Variants in GMPR2 observed in about 807,000 individuals in gnomAD.
The protein encoded by GMPR2 is GMP reductase 2.
In GMPR2, 32 loss-of-function variants were observed where a neutral mutation model predicts 38.5. The observed-to-expected ratio is 0.83, with a 90% CI of 0.63 to 1.12. The LOEUF is 1.12. Ranked by LOEUF, GMPR2 falls within the 50% of genes most tolerant of loss-of-function variation. GMPR2 has a pLI of 0.00. For synonymous variants in GMPR2, 154 were observed against 151.0 expected (o/e 1.02, Z -0.15); for missense variants, 396 against 432.1 (o/e 0.92, Z 0.74).
At position 24,237,571 on chromosome 14, in the gene GMPR2, C is replaced by T. The variant is rs749529662; in HGVS notation, c.697+9C>T. The T allele has an allele frequency of 6.2e-7, 1 of 1,612,320 alleles. No individual in the cohort carries two copies. Among genetic ancestry groups the T allele is most frequent in the Non-Finnish European group, 8.5e-7 (1 of 1,178,398 alleles). On this transcript the variant is annotated intron_variant, in intron 8 of 9. Transcript: ENST00000399440. The stretch of plus-strand genomic sequence containing the variant: ...TGTGGCCAAGGCTTTTGGTAAGGAG[C>T]TTGAGGGCACAGAAGGATGATTCTA...
chr14:24,237,688 C>A, intron 8 of GMPR2, 126 bp downstream of exon 8: 1 of 872,922 alleles, frequency 1.1e-6, no homozygotes, highest in Non-Finnish European at 1.9e-6. Context: ...GAATTAGTGA[C>A]TCCGAAGTCT....
In GMPR2 at chr14:24,238,830, C is replaced by A; in HGVS notation, c.*52C>A. The A allele has an allele frequency of 6.7e-7, 1 of 1,500,382 alleles. No homozygotes were observed. Among genetic ancestry groups the A allele is most frequent in the Non-Finnish European group, 9.2e-7 (1 of 1,086,974 alleles). The allele number at this position is 1,500,382 out of a possible 1,614,324, so 92.9% of individuals were successfully genotyped here. ...CACCAGTACTCTACCATGGGGCATC[C>A]CAAGTGGGGTCCTCACCCATCCCAG... On this transcript the variant is annotated 3_prime_UTR_variant, in exon 10 of 10. Transcript: ENST00000399440.
At chr14:24,234,296 G>T in intron 3 of GMPR2, 1 of 1,182,784 alleles carries the variant, frequency 8.5e-7, no homozygotes, top group Non-Finnish European at 1.1e-6. Flanking sequence ...GTTGATCCAT[G>T]TAGCCCTGGT....
chr14:24,236,423 C>T (rs2273305), intron 5 of GMPR2, among the ~76,000 whole-genome samples: 1 of 152,230 alleles, frequency 6.6e-6, no homozygotes, highest in Non-Finnish European at 1.5e-5. Flanking sequence ...ACATAGACAT[C>T]TGCCCACTGA....
upstream of GMPR2, chr14:24,232,778 G>A: frequency 4.3e-6 from 1 of 232,628 alleles, no homozygotes; most frequent in South Asian, 5.7e-5. Context: ...GGCTTAGCGG[G>A]ATTGCACGAG....
At chr14:24,237,474 G>A (rs766386706) in intron 7 of GMPR2, 46 bp from the exon 8 acceptor site, 5 of 1,602,158 alleles carry the variant, frequency 3.1e-6, no homozygotes, top group African/African-American at 2.7e-5. Context: ...CATCGCTGAG[G>A]GCTTGGGAAA....
At position 24,236,143 on chromosome 14, in the gene GMPR2, A is replaced by G. The variant is rs533146747; in HGVS notation, c.465+3A>G. On this transcript the variant is annotated splice_donor_region_variant and intron_variant, in intron 5 of 9. Coordinates refer to ENST00000399440, the MANE Select transcript of GMPR2 (RefSeq NM_001002002.3). ...GCTTCCCCCAGCACACCATCATGGT[A>G]TGTTTCTATTACAGTCGGTACCTTT... 6 of 1,611,484 alleles carry G rather than the reference A, an allele frequency of 3.7e-6. No homozygotes were observed. In the African/African-American group the frequency reaches 6.7e-5, roughly 18 times the overall value.
intron 4 of GMPR2, 38 bp downstream of exon 4, chr14:24,235,858 G>C (rs753332653): frequency 2.5e-5 from 40 of 1,593,730 alleles, no homozygotes; most frequent in Non-Finnish European, 3.4e-5. Flanking sequence ...CCTTATCCCA[G>C]TTTTCCAGCA....
chr14:24,232,970 G>A lies in GMPR2; in HGVS notation c.-43G>A, dbSNP rs1314813227. On this transcript the variant is annotated 5_prime_UTR_variant, in exon 1 of 10. Coordinates refer to ENST00000399440, the MANE Select transcript of GMPR2 (RefSeq NM_001002002.3). The stretch of plus-strand genomic sequence containing the variant: ...CTTTGCAGGGGTAGAAGAAGGAAGT[G>A]TAGCGGGGTAAGGAATGCACCGTCA... 5.3e-6 allele frequency: 3 copies of A among 562,448 alleles called. No homozygotes were observed. Among genetic ancestry groups the A allele is most frequent in the Non-Finnish European group, 9.6e-6 (3 of 313,390 alleles). The allele number at this position is 562,448 out of a possible 1,614,324, so 34.8% of individuals were successfully genotyped here.
intron 8 of GMPR2, chr14:24,237,966 G>A: frequency 4.2e-6 from 2 of 477,372 alleles, no homozygotes; most frequent in Non-Finnish European, 3.7e-6. Flanking sequence ...AAAATCAAAT[G>A]ACCAGACGAT....
chr14:24,234,024 C>T, intron 3 of GMPR2: 1 of 1,070,052 alleles, frequency 9.3e-7, no homozygotes, highest in Admixed American at 2.4e-5. Context: ...GGAGAAGCAG[C>T]TTATTAATTT....
At chr14:24,237,610 A>G in intron 8 of GMPR2, 48 bp downstream of exon 8, 1 of 1,507,578 alleles carries the variant, frequency 6.6e-7, no homozygotes, top group African/African-American at 1.4e-5. Flanking sequence ...AAGAGGATGA[A>G]TCACCTCTGA....
intron 8 of GMPR2, 67 bp from the exon 9 acceptor site, chr14:24,238,179 T>C: frequency 7.1e-7 from 1 of 1,407,878 alleles, no homozygotes; most frequent in South Asian, 1.3e-5. Context: ...TGTGAGTTGC[T>C]TTTGAGGGTG....
At position 24,236,002 on chromosome 14, in the gene GMPR2, CTT is replaced by C; in HGVS notation, c.329_330del (p.Phe110Ter). The C allele has an allele frequency of 6.2e-7, 1 of 1,614,140 alleles. No individual in the cohort carries two copies. The highest frequency in any genetic ancestry group is 8.5e-7 in the Non-Finnish European group (1 of 1,179,974). ...AASSGTGSSD[F>X]EQLEQILEAI... is the part of the protein sequence containing the mutation. Reference sequence around the variant, plus strand: ...CCAGCTCAGGCACAGGCTCTTCTGACTTTGAGCAGCTGGAACAGATCCTGGAA... The same window carrying C: ...CCAGCTCAGGCACAGGCTCTTCTGACTGAGCAGCTGGAACAGATCCTGGAA... On this transcript the variant is annotated frameshift_variant, in exon 5 of 10. Transcript: ENST00000399440. LOFTEE classifies it high-confidence loss of function.
At chr14:24,238,224 C>T (rs2138981618) in intron 8 of GMPR2, 22 bp from the exon 9 acceptor site, 1 of 1,592,700 alleles carries the variant, frequency 6.3e-7, no homozygotes, top group South Asian at 1.1e-5. Context: ...TAATCTCTTT[C>T]CCCCCTCCAT....
intron 3 of GMPR2, among the ~76,000 whole-genome samples, chr14:24,234,927 T>C (rs1200140448): frequency 6.6e-6 from 1 of 152,246 alleles, no homozygotes; most frequent in Non-Finnish European, 1.5e-5. Flanking sequence ...AATACATGAC[T>C]TCCTTGGGTT....
intron 9 of GMPR2, 77 bp from the exon 10 acceptor site, chr14:24,238,512 A>G: frequency 6.2e-7 from 1 of 1,614,084 alleles, no homozygotes; most frequent in Non-Finnish European, 8.5e-7. Flanking sequence ...CCGGGGCTCA[A>G]TGCTAGGGTC....
At chr14:24,237,819 A>G (rs1204132596) in intron 8 of GMPR2, 4 of 549,742 alleles carry the variant, frequency 7.3e-6, no homozygotes, top group Non-Finnish European at 1.3e-5. Flanking sequence ...CATACCTAAA[A>G]ATAGGCTCTG....
At position 24,238,607 on chromosome 14, in the gene GMPR2, A is replaced by G. The variant is rs1299640553; in HGVS notation, c.876A>G (p.Thr292=). The G allele has an allele frequency of 2.5e-6, 4 of 1,614,084 alleles. No individual in the cohort carries two copies. The highest frequency in any genetic ancestry group is 3.3e-5 in the Admixed American group (2 of 60,008). ...VAEYRASEGK[T]VEVPFKGDVE... ...CTTTAAGAGCCTCAGAGGGAAAGACAGTGGAAGTTCCTTTTAAAGGAGATG... is the reference window on the plus strand; with the variant it reads ...CTTTAAGAGCCTCAGAGGGAAAGACGGTGGAAGTTCCTTTTAAAGGAGATG... The change falls in exon 10 of 10, where the codon ACA becomes ACG. Residue 292 remains threonine (T), a synonymous_variant. Transcript: ENST00000399440.
Sources: allele counts gnomAD v4.1 joint callset (sites outside exome capture counted in the v4.1 genomes callset), GRCh38; gene constraint gnomAD v4.1.1; transcripts MANE v1.5; gene names NCBI Gene and HGNC (gene_info 2026-07-23, HGNC 2026-07-21).